Variants in SCN3A observed in about 807,000 individuals in gnomAD.
SCN3A encodes sodium channel protein type 3 subunit alpha.
A neutral mutation model predicts 187.6 loss-of-function variants in SCN3A; 60 were observed. The observed-to-expected ratio is 0.32, with a 90% CI of 0.26 to 0.40. The LOEUF (loss-of-function observed/expected upper bound fraction) is 0.40. Ranked by LOEUF, SCN3A falls within the 10% of genes least tolerant of loss-of-function variation. SCN3A has a pLI of 1.00. For missense variants in SCN3A, 1,601 were observed against 2,428.2 expected, an observed-to-expected ratio of 0.66 and a Z score of 7.16; for synonymous variants, 788 against 829.2, an observed-to-expected ratio of 0.95 and a Z score of 0.85.
rs1685134024 is a variant in SCN3A, at chr2:165,092,121, A to G, written c.4807+133T>C. Reference sequence around the variant, plus strand: ...ACCCAGGTTTCAGAGTTTTTATTCAAATATGCTAGTGTTGAACTTTACATC... The same window carrying G: ...ACCCAGGTTTCAGAGTTTTTATTCAGATATGCTAGTGTTGAACTTTACATC... On this transcript the variant is annotated intron_variant, in intron 27 of 27. Coordinates refer to ENST00000283254, the MANE Select transcript of SCN3A (RefSeq NM_006922.4). The surrounding 1 kb of genome is among the most constrained non-coding windows in gnomAD (Gnocchi z 4.2). 1.1e-6 allele frequency: 1 copy of G among 897,242 alleles called. No individual in the cohort carries two copies. Among genetic ancestry groups the G allele is most frequent in the Non-Finnish European group, 1.8e-6 (1 of 552,792 alleles). The allele number at this position is 897,242 out of a possible 1,614,324, so 55.6% of individuals were successfully genotyped here.
rs1574252712 is a variant in SCN3A at position 165,157,322 on chromosome 2, C to T, written c.1032-1419G>A. Among the ~76,000 whole-genome samples, 4 of 152,304 alleles carry T rather than the reference C, an allele frequency of 2.6e-5. No individual in the cohort carries two copies. The South Asian group carries it at 8.3e-4, about 32-fold the overall frequency. On this transcript the variant is annotated intron_variant, in intron 9 of 27. Coordinates refer to ENST00000283254, the MANE Select transcript of SCN3A (RefSeq NM_006922.4). The stretch of plus-strand genomic sequence containing the variant: ...CTCTTGGCTGTGACAATCTCTCAGA[C>T]TTCCCTTGTTTTTGATGACCACAAC...
chr2:165,092,054 G>T lies in SCN3A; in HGVS notation c.4807+200C>A. On this transcript the variant is annotated intron_variant, in intron 27 of 27. Transcript: ENST00000283254. This position sits in a 1 kb window ranked among gnomAD's most constrained non-coding sequence, Gnocchi z 4.2. Reference sequence around the variant, plus strand: ...CTTCTTCACCTCTTTCCCAAATCTGGTATTCCTAACATGGTTTCTAACTAG... The same window carrying T: ...CTTCTTCACCTCTTTCCCAAATCTGTTATTCCTAACATGGTTTCTAACTAG... The T allele has an allele frequency of 1.6e-6, 1 of 612,312 alleles. No homozygotes were observed. Among genetic ancestry groups the T allele is most frequent in the Non-Finnish European group, 2.9e-6 (1 of 347,168 alleles). The allele number at this position is 612,312 out of a possible 1,614,324, so 37.9% of individuals were successfully genotyped here.
intron 15 of SCN3A, 104 bp from the exon 16 acceptor site, chr2:165,131,521 A>G: frequency 1.5e-6 from 1 of 659,260 alleles, no homozygotes; most frequent in Non-Finnish European, 2.4e-6. Context: ...TCTAAAATTT[A>G]AAGTGAGAGA....
Position 165,100,434 on chromosome 2 carries a change from GAA to G in SCN3A, c.3844-12_3844-11del, listed in dbSNP as rs71028466. ...GGCTAACCAAAGAAACCTACAAAAG[GAA>G]AAAAAAATTAATTAGTTCACCAAGA... On this transcript the variant is annotated splice_polypyrimidine_tract_variant and intron_variant, in intron 21 of 27. Coordinates refer to ENST00000283254, the MANE Select transcript of SCN3A (RefSeq NM_006922.4). 1.2e-6 allele frequency: 2 copies of G among 1,604,336 alleles called. No homozygotes were observed. Among genetic ancestry groups the G allele is most frequent in the Non-Finnish European group, 1.7e-6 (2 of 1,174,106 alleles).
At chr2:165,167,103 G>A (rs34461581) in intron 5 of SCN3A, among the ~76,000 whole-genome samples, 34,322 of 151,926 alleles carry the variant, frequency 0.23, 5,073 homozygotes, top group East Asian at 0.52. Context: ...GTTTCACCAT[G>A]TTGGCCAGGC....
intron 11 of SCN3A, among the ~76,000 whole-genome samples, chr2:165,150,629 C>T (rs905656085): frequency 2.6e-5 from 4 of 152,138 alleles, no homozygotes; most frequent in African/African-American, 7.2e-5. Context: ...GTTTTTTAGC[C>T]GAACTCATCA....
intron 18 of SCN3A, among the ~76,000 whole-genome samples, chr2:165,125,416 G>A (rs1247299055): frequency 2.0e-5 from 3 of 151,744 alleles, no homozygotes; most frequent in Admixed American, 6.6e-5. Flanking sequence ...CCATTCTCCC[G>A]CCTCAGCCTC....
At chr2:165,189,682 G>A (rs1377085620) in intron 1 of SCN3A, among the ~76,000 whole-genome samples, 2 of 152,136 alleles carry the variant, frequency 1.3e-5, no homozygotes, top group African/African-American at 4.8e-5. Flanking sequence ...CTAGAGGCAA[G>A]TTTGTATCCT....
chr2:165,111,290 G>A (rs1050735582), intron 21 of SCN3A, among the ~76,000 whole-genome samples: 1 of 152,022 alleles, frequency 6.6e-6, no homozygotes, highest in South Asian at 2.1e-4. Context: ...AGCCAAGATC[G>A]CACCATTGCA....
chr2:165,188,497 A>C (rs564489742), intron 1 of SCN3A, among the ~76,000 whole-genome samples: 1 of 152,302 alleles, frequency 6.6e-6, no homozygotes, highest in Admixed American at 6.5e-5. Flanking sequence ...GAGCATAAGA[A>C]TCACCTGTGC....
chr2:165,162,412 C>T (rs758020345), intron 8 of SCN3A, 41 bp from the exon 9 acceptor site: 211 of 1,597,476 alleles, frequency 1.3e-4, no homozygotes, highest in Non-Finnish European at 8.6e-7. Flanking sequence ...TCATATTAAT[C>T]CTATTCACAT....
At chr2:165,160,805 A>G (rs1200447948) in intron 9 of SCN3A, among the ~76,000 whole-genome samples, 3 of 151,950 alleles carry the variant, frequency 2.0e-5, no homozygotes, top group Non-Finnish European at 4.4e-5. Flanking sequence ...ACACCCAGCT[A>G]ATTTTTGCAT....
intron 19 of SCN3A, among the ~76,000 whole-genome samples, chr2:165,115,150 A>G (rs909780723): frequency 6.6e-6 from 1 of 152,092 alleles, no homozygotes; most frequent in Non-Finnish European, 1.5e-5. Flanking sequence ...ACTCCCTGCA[A>G]AAGCTCTAAG....
chr2:165,154,239 A>C (rs1229284647), intron 11 of SCN3A, among the ~76,000 whole-genome samples: 1 of 151,998 alleles, frequency 6.6e-6, no homozygotes. Flanking sequence ...TGTATTTTCT[A>C]TCCGCTAGCT....
Position 165,130,164 on chromosome 2 carries a change from C to T in SCN3A, c.2698G>A (p.Gly900Ser), listed in dbSNP as rs749586926. Residue 900 changes from glycine to serine, a missense_variant, in exon 17 of 28, where the codon GGC (glycine) becomes AGC (serine). Transcript: ENST00000283254. Reference sequence around the variant, plus strand: ...TAGCTCTTACCAAAGAGCTGCATGCCGACCACAGCAAAAATGAAGACGATG... The same window carrying T: ...TAGCTCTTACCAAAGAGCTGCATGCTGACCACAGCAAAAATGAAGACGATG... ...AIIVFIFAVV[G>S]MQLFGKSYKE... 23 of 1,613,946 alleles carry T rather than the reference C, an allele frequency of 1.4e-5. No homozygotes were observed. The highest frequency in any genetic ancestry group is 1.8e-5 in the Non-Finnish European group (21 of 1,180,010).
chr2:165,164,688 G>C (rs913497872), intron 5 of SCN3A, among the ~76,000 whole-genome samples, 168 bp from the exon 6 acceptor site: 1 of 152,066 alleles, frequency 6.6e-6, no homozygotes, highest in African/African-American at 2.4e-5. Context: ...TTACAAGCCT[G>C]AGCAAAGAGT....
At chr2:165,130,359 TTA>T in intron 16 of SCN3A, 63 bp from the exon 17 acceptor site, 1 of 1,547,922 alleles carries the variant, frequency 6.5e-7, no homozygotes, top group Admixed American at 1.7e-5. Context: ...CATTATTTTA[TTA>T]GTATGTGGTA....
chr2:165,163,592 A>G (rs2105892840), intron 7 of SCN3A, 26 bp downstream of exon 7: 1 of 1,612,322 alleles, frequency 6.2e-7, no homozygotes. Context: ...ATTAAAGTCA[A>G]CCTCGGTGTT....
At chr2:165,118,930 T>G (rs1267726330) in intron 18 of SCN3A, among the ~76,000 whole-genome samples, 1 of 152,032 alleles carries the variant, frequency 6.6e-6, no homozygotes, top group Non-Finnish European at 1.5e-5. Flanking sequence ...GATTGGCTAA[T>G]TTTTTGTATT....
Sources: allele counts gnomAD v4.1 joint callset (sites outside exome capture counted in the v4.1 genomes callset), GRCh38; gene constraint gnomAD v4.1.1; non-coding constraint Gnocchi (gnomAD v3.1); transcripts MANE v1.5; gene names NCBI Gene and HGNC (gene_info 2026-07-23, HGNC 2026-07-21).